The following CHN1 variants were observed in gnomAD, a reference collection of about 807,000 sequenced individuals.
CHN1 encodes the protein N-chimaerin.
CHN1 carries 37 observed loss-of-function variants against 59.5 expected under a neutral mutation model. The observed-to-expected ratio is 0.62, with a 90% CI of 0.48 to 0.82. CHN1 has a LOEUF of 0.82. Ranked by LOEUF, CHN1 falls within the 40% of genes least tolerant of loss-of-function variation. CHN1 has a pLI of 0.00. For missense variants in CHN1, 469 were observed against 571.0 expected (o/e 0.82, Z 1.82); for synonymous variants, 206 against 200.4 (o/e 1.03, Z -0.24).
intron 1 of CHN1, among the ~76,000 whole-genome samples, chr2:174,988,980 G>A (rs1396453167): frequency 6.6e-6 from 1 of 152,132 alleles, no homozygotes; most frequent in Admixed American, 6.5e-5. Flanking sequence ...AAAAATAGTA[G>A]TGAAATTAAT....
At chr2:174,805,281 A>G (rs1377856812) in intron 11 of CHN1, among the ~76,000 whole-genome samples, 4 of 152,236 alleles carry the variant, frequency 2.6e-5, no homozygotes, top group South Asian at 2.1e-4. Context: ...CAGCAACTAA[A>G]TATTTCAAAA....
intron 5 of CHN1, among the ~76,000 whole-genome samples, chr2:174,894,923 G>C (rs1373368409): frequency 6.6e-6 from 1 of 151,904 alleles, no homozygotes; most frequent in Non-Finnish European, 1.5e-5. Context: ...TTCACTCTCT[G>C]TCTCTCCCAG....
At chr2:174,804,246 G>C (rs1445609487) in intron 11 of CHN1, among the ~76,000 whole-genome samples, 1 of 152,082 alleles carries the variant, frequency 6.6e-6, no homozygotes, top group Non-Finnish European at 1.5e-5. Context: ...GATCCTGAGG[G>C]GAGAGTACGC....
intron 1 of CHN1, among the ~76,000 whole-genome samples, chr2:174,976,483 C>A (rs1023328861): frequency 2.6e-5 from 4 of 152,098 alleles, no homozygotes; most frequent in African/African-American, 7.2e-5. Context: ...AGGTAATCTG[C>A]CCACCTCTGC....
chr2:174,838,048 G>C (rs529691817), intron 7 of CHN1, among the ~76,000 whole-genome samples: 13 of 152,216 alleles, frequency 8.5e-5, no homozygotes, highest in South Asian at 8.3e-4. Flanking sequence ...GTATTCTTTA[G>C]GTACATGCTT....
intron 1 of CHN1, among the ~76,000 whole-genome samples, chr2:174,955,185 T>TATATAG (rs1491155589): frequency 1.8e-3 from 11 of 5,984 alleles, no homozygotes; most frequent in Non-Finnish European, 4.0e-3. Flanking sequence ...TATCTATATC[T>TATATAG]ATATATATAT....
At chr2:175,001,766 A>G (rs1691898189) in intron 1 of CHN1, among the ~76,000 whole-genome samples, 1 of 152,194 alleles carries the variant, frequency 6.6e-6, no homozygotes, top group African/African-American at 2.4e-5. Context: ...TATAAATGAC[A>G]GAGATTCCTG....
chr2:174,982,654 C>T (rs938522927), intron 1 of CHN1, among the ~76,000 whole-genome samples: 3 of 152,086 alleles, frequency 2.0e-5, no homozygotes, highest in Non-Finnish European at 2.9e-5. Context: ...ATCCTTAACC[C>T]CACCCATTCA....
chr2:174,925,314 A>G (rs931746757), intron 3 of CHN1, among the ~76,000 whole-genome samples: 2 of 152,228 alleles, frequency 1.3e-5, no homozygotes, highest in Non-Finnish European at 2.9e-5. Context: ...ATAAGATACC[A>G]AATTCCAATC....
At position 174,874,636 on chromosome 2, in the gene CHN1, A is replaced by C. The variant is rs577809581; in HGVS notation, c.549+3204T>G. Among the ~76,000 whole-genome samples, 189 of 152,224 alleles carry C rather than the reference A, an allele frequency of 1.2e-3. 2 individuals carry two copies. The highest frequency in any genetic ancestry group is 4.4e-3 in the African/African-American group (182 of 41,532). On this transcript the variant is annotated intron_variant, in intron 6 of 12. Coordinates refer to ENST00000409900, the MANE Select transcript of CHN1 (RefSeq NM_001822.7). ...AGGACTGCAACAAAAAAATAAAAAC[A>C]CTTGGAATTCTCATCTTTCTATTTT...
chr2:174,916,399 T>C (rs939617507), intron 4 of CHN1, among the ~76,000 whole-genome samples: 1 of 152,188 alleles, frequency 6.6e-6, no homozygotes, highest in Admixed American at 6.5e-5. Flanking sequence ...GTTTATTTCA[T>C]AGACCCAGCT....
intron 3 of CHN1, among the ~76,000 whole-genome samples, chr2:174,923,889 T>C (rs991845036): frequency 6.6e-6 from 1 of 152,218 alleles, no homozygotes; most frequent in African/African-American, 2.4e-5. Flanking sequence ...TAAGCACTGA[T>C]AATTAAGAGT....
intron 1 of CHN1, among the ~76,000 whole-genome samples, chr2:174,970,976 A>T (rs981598105): frequency 1.3e-5 from 2 of 152,224 alleles, no homozygotes; most frequent in African/African-American, 4.8e-5. Context: ...GACATTAAAG[A>T]GTTTATAAAA....
intron 12 of CHN1, among the ~76,000 whole-genome samples, chr2:174,800,843 T>G (rs1684697557): frequency 1.3e-5 from 2 of 152,250 alleles, no homozygotes; most frequent in Admixed American, 1.3e-4. Flanking sequence ...TCTGTTTTAG[T>G]GTGGAACACT....
intron 6 of CHN1, chr2:174,875,840 A>G (rs1687548722): frequency 2.0e-6 from 2 of 985,340 alleles, no homozygotes; most frequent in East Asian, 1.1e-4. Context: ...TGAACAGGTC[A>G]TCAACCCTGT....
chr2:175,004,814 G>GCCCAGGCCC (rs940832163), intron 1 of CHN1, 80 bp downstream of exon 1: 10 of 917,862 alleles, frequency 1.1e-5, no homozygotes, highest in Middle Eastern at 4.5e-4. Flanking sequence ...CTCCCCGGGC[G>GCCCAGGCCC]CCCAGGCCCC....
At position 174,845,116 on chromosome 2, in the gene CHN1, AAG is replaced by A. The variant is rs1411605202; in HGVS notation, c.627+1762_627+1763del. Among the ~76,000 whole-genome samples, 24 of 152,328 alleles carry A rather than the reference AAG, an allele frequency of 1.6e-4. No homozygotes were observed. In the South Asian group the frequency reaches 3.1e-3, roughly 20 times the overall value. On this transcript the variant is annotated intron_variant, in intron 7 of 12. Transcript: ENST00000409900. ...AACAACTGGAAGATACAAACACAAA[AAG>A]AGTTTGTTTATGCAAATTCTTGAAT... is the stretch of plus-strand genomic sequence containing the variant.
chr2:174,814,184 G>A (rs1379019989), intron 8 of CHN1, among the ~76,000 whole-genome samples: 1 of 152,178 alleles, frequency 6.6e-6, no homozygotes. Flanking sequence ...CTGGGTCTCT[G>A]CATACATGTG....
At chr2:174,824,614 C>CTACA in intron 7 of CHN1, 96 bp from the exon 8 acceptor site, 1 of 450,950 alleles carries the variant, frequency 2.2e-6, no homozygotes, top group Non-Finnish European at 4.0e-6. Flanking sequence ...GCCACATATT[C>CTACA]TATATATATA....
Sources: allele counts gnomAD v4.1 joint callset (sites outside exome capture counted in the v4.1 genomes callset), GRCh38; gene constraint gnomAD v4.1.1; transcripts MANE v1.5; gene names NCBI Gene and HGNC (gene_info 2026-07-23, HGNC 2026-07-21).